LRFN1: variants seen among roughly 807,000 people sequenced by gnomAD.
LRFN1 encodes leucine-rich repeat and fibronectin type III domain-containing protein 1.
LRFN1 carries 20 observed loss-of-function variants against 31.8 expected under a neutral mutation model. The observed-to-expected ratio is 0.63, with a 90% CI of 0.44 to 0.91. LRFN1 has a LOEUF of 0.91. LRFN1 is among the 40% of genes least tolerant of loss of function. LRFN1 has a pLI of 0.00. For synonymous variants in LRFN1, 514 were observed against 541.3 expected (o/e 0.95, Z 0.70); for missense variants, 912 against 1,129.8 (o/e 0.81, Z 2.76).
rs750988672 is a variant in LRFN1, at chr19:39,314,658, G to C, written c.679C>G (p.Pro227Ala). The C allele has an allele frequency of 1.9e-5, 31 of 1,612,976 alleles. No individual in the cohort carries two copies. In the Middle Eastern group the frequency reaches 1.2e-3, roughly 60 times the overall value. ...TGCGACCTCAGGAAGAGCCCGTCGG[G>C]CGGGAGTTTATGCAGGCGGTTGGAG... ...MTSNRLHKLP[P>A]DGLFLRSQGT... Residue 227 changes from proline (P) to alanine (A), a missense_variant, in exon 4 of 5, where the codon CCC becomes GCC. Transcript: ENST00000248668.
intron 2 of LRFN1, among the ~76,000 whole-genome samples, chr19:39,316,834 G>C (rs977198579): frequency 1.3e-5 from 2 of 152,188 alleles, no homozygotes; most frequent in Admixed American, 6.5e-5. Context: ...GGGTGGGCGG[G>C]GGGTGAAGAG....
chr19:39,313,875 G>T, intron 4 of LRFN1, 56 bp downstream of exon 4: 1 of 1,509,190 alleles, frequency 6.6e-7, no homozygotes, highest in Non-Finnish European at 8.9e-7. Context: ...GCAGGTGGGA[G>T]GGAGGGTCCC....
At chr19:39,320,594 C>A (rs1412172974) in intron 1 of LRFN1, among the ~76,000 whole-genome samples, 199 bp downstream of exon 1, 1 of 151,778 alleles carries the variant, frequency 6.6e-6, no homozygotes, top group Non-Finnish European at 1.5e-5. Context: ...GCCGGCCGGG[C>A]TCGACACCCC....
intron 1 of LRFN1, 130 bp downstream of exon 1, chr19:39,320,663 A>C (rs1317211713): frequency 6.6e-6 from 1 of 150,868 alleles, no homozygotes; most frequent in Non-Finnish European, 1.5e-5. Context: ...GGGCACACAT[A>C]GGGCCGCGCG....
intron 2 of LRFN1, among the ~76,000 whole-genome samples, chr19:39,317,096 A>G (rs1008086195): frequency 2.0e-5 from 3 of 152,138 alleles, no homozygotes; most frequent in Non-Finnish European, 4.4e-5. Flanking sequence ...ATTGGGAGAG[A>G]AACAGAGAGA....
intron 2 of LRFN1, among the ~76,000 whole-genome samples, chr19:39,316,764 G>A (rs146119763): frequency 6.6e-4 from 101 of 152,158 alleles, no homozygotes; most frequent in African/African-American, 1.9e-3. Flanking sequence ...AAAACCTTCC[G>A]GCAGGGATTC....
Position 39,315,217 on chromosome 19 carries a change from G to A in LRFN1, c.120C>T (p.Cys40=), listed in dbSNP as rs201968871. Residue 40 remains cysteine (C), a synonymous_variant, in exon 4 of 5, where the codon TGC becomes TGT. Transcript: ENST00000248668. The surrounding 1 kb of genome is among the most constrained non-coding windows in gnomAD (Gnocchi z 4.7). ...TTGTCAGTGTGGGCGCCACGTTCTG[G>A]CAGATGCAGCGGCCGGGGCAGGGCT... ...RGQPCPGRCI[C]QNVAPTLTML... The A allele has an allele frequency of 1.4e-4, 223 of 1,572,980 alleles. No individual in the cohort carries two copies. In the African/African-American group the frequency reaches 2.4e-3, roughly 17 times the overall value.
intron 1 of LRFN1, among the ~76,000 whole-genome samples, chr19:39,320,100 T>TCC (rs765361725): frequency 2.5e-5 from 2 of 80,614 alleles, no homozygotes; most frequent in African/African-American, 4.8e-5. Flanking sequence ...TGGCCGCCCA[T>TCC]CCCCCCCCCG....
In LRFN1 at chr19:39,307,947, C is replaced by A; in HGVS notation, c.2002G>T (p.Gly668Cys). 1.3e-6 allele frequency: 2 copies of A among 1,570,340 alleles called. No homozygotes were observed. The highest frequency in any genetic ancestry group is 1.7e-6 in the Non-Finnish European group (2 of 1,166,622). The change falls in exon 5 of 5, where the codon GGC (glycine) becomes TGC (cysteine). Residue 668 changes from glycine (G) to cysteine (C), a missense_variant. Physicochemically the swap from Gly to Cys is radical, Grantham distance 159 (BLOSUM62 -3). Coordinates refer to ENST00000248668, the MANE Select transcript of LRFN1 (RefSeq NM_020862.2). This position sits in a 1 kb window ranked among gnomAD's most constrained non-coding sequence, Gnocchi z 6.7. ...GCGCCGGATCGGCTCCTTCGAGGGCCCACCGCGGCCCGAGACTCCTCCCCG... is the reference window on the plus strand; with the variant it reads ...GCGCCGGATCGGCTCCTTCGAGGGCACACCGCGGCCCGAGACTCCTCCCCG... ...TSGEESRAAV[G>C]PRRSRSGALE...
Position 39,315,071 on chromosome 19 carries a change from G to A in LRFN1, c.266C>T (p.Thr89Ile). 1 of 1,596,238 alleles carries A rather than the reference G, an allele frequency of 6.3e-7. No homozygotes were observed. The highest frequency in any genetic ancestry group is 8.5e-7 in the Non-Finnish European group (1 of 1,178,424). The part of the protein sequence containing the change: ...AVRRRDFANM[T>I]SLVHLTLSRN... ...GGAGAGAGTGAGGTGCACCAGGCTGGTCATGTTGGCGAAGTCTCGGCGGCG... is the reference window on the plus strand; with the variant it reads ...GGAGAGAGTGAGGTGCACCAGGCTGATCATGTTGGCGAAGTCTCGGCGGCG... Residue 89 changes from threonine to isoleucine, a missense_variant, in exon 4 of 5, where the codon ACC (threonine) becomes ATC (isoleucine). Thr to Ile is a moderately conservative substitution (Grantham distance 89). Around this residue, in one of 2 missense-constraint regions of LRFN1, gnomAD observed 401 missense variants for 572.7 expected, o/e 0.70. Transcript: ENST00000248668. The surrounding 1 kb of genome is among the most constrained non-coding windows in gnomAD (Gnocchi z 4.7).
rs1600480315 is a variant in LRFN1, at chr19:39,307,501, C to T, written c.*132G>A. 14 of 1,068,862 alleles carry T rather than the reference C, an allele frequency of 1.3e-5. No individual in the cohort carries two copies. Among genetic ancestry groups the T allele is most frequent in the Non-Finnish European group, 1.5e-5 (12 of 821,836 alleles). 66.2% of individuals were successfully genotyped at this position (1,068,862 alleles called of 1,614,324 possible). A position where few individuals can be genotyped will look rare whatever the true frequency, so the allele number is the denominator to read the frequency against. ...GCAGCCCGAGGCTGCCCCGCCCCCT[C>T]CCGGGGACAAGGGCGCGTCTCCACT... On this transcript the variant is annotated 3_prime_UTR_variant, in exon 5 of 5. Coordinates refer to ENST00000248668, the MANE Select transcript of LRFN1 (RefSeq NM_020862.2). This position sits in a 1 kb window ranked among gnomAD's most constrained non-coding sequence, Gnocchi z 6.7.
At chr19:39,311,036 C>T (rs2075148796) in intron 4 of LRFN1, among the ~76,000 whole-genome samples, 1 of 152,244 alleles carries the variant, frequency 6.6e-6, no homozygotes, top group Non-Finnish European at 1.5e-5. Context: ...CATCTCTCCT[C>T]TCCAGAGCCC....
In LRFN1 at chr19:39,314,996, G is replaced by A; in HGVS notation, c.341C>T (p.Ala114Val). ...GCTGTCCAGGTGCAGGGCCCGGAGG[G>A]CACGCAGGTCGGCGAAGGCGCCAGC... Reference protein sequence around the residue: ...VAAGAFADLRALRALHLDSNR... With the variant: ...VAAGAFADLRVLRALHLDSNR... Residue 114 changes from alanine to valine, a missense_variant, in exon 4 of 5, where the codon GCC becomes GTC. Ala to Val is a moderately conservative substitution (Grantham distance 64). This residue lies in a region of LRFN1 where 401 missense variants were observed against 572.7 expected (regional missense o/e 0.70). Transcript: ENST00000248668. The A allele has an allele frequency of 6.3e-7, 1 of 1,592,116 alleles. No homozygotes were observed. Among genetic ancestry groups the A allele is most frequent in the Non-Finnish European group, 8.5e-7 (1 of 1,175,690 alleles).
In LRFN1 at chr19:39,314,201, G is replaced by C; in HGVS notation, c.1136C>G (p.Ala379Gly). Reference protein sequence around the residue: ...TCIASNAAGEATAPVEVCVVP... With the variant: ...TCIASNAAGEGTAPVEVCVVP... ...CACGCACACCTCCACGGGCGCCGTC[G>C]CTTCCCCAGCAGCATTGGAGGCGAT... is the stretch of plus-strand genomic sequence containing the variant. Residue 379 changes from alanine (A) to glycine (G), a missense_variant, in exon 4 of 5, where the codon GCG becomes GGG. Around this residue, in one of 2 missense-constraint regions of LRFN1, gnomAD observed 401 missense variants for 572.7 expected, o/e 0.70. Transcript: ENST00000248668. 6.2e-7 allele frequency: 1 copy of C among 1,613,294 alleles called. No homozygotes were observed. Among genetic ancestry groups the C allele is most frequent in the Non-Finnish European group, 8.5e-7 (1 of 1,179,678 alleles).
At position 39,314,117 on chromosome 19, in the gene LRFN1, C is replaced by T; in HGVS notation, c.1220G>A (p.Gly407Asp). 2 of 1,612,134 alleles carry T rather than the reference C, an allele frequency of 1.2e-6. No individual in the cohort carries two copies. Among genetic ancestry groups the T allele is most frequent in the Non-Finnish European group, 1.7e-6 (2 of 1,179,198 alleles). Residue 407 changes from glycine to aspartate, a missense_variant, in exon 4 of 5, where the codon GGC (glycine) becomes GAC (aspartate). This residue lies in a region of LRFN1 where 511 missense variants were observed against 557.0 expected (regional missense o/e 0.92). Transcript: ENST00000248668. ...PAAPPPLTEP[G>D]SSDIATPGRP... is the part of the protein sequence containing the mutation. ...GCCCGGCGTGGCGATGTCAGAGGAG[C>T]CGGGCTCGGTGAGAGGCGGCGGGGC... is the stretch of plus-strand genomic sequence containing the variant.
rs1218915804 is a variant in LRFN1, at chr19:39,307,134, C to A, written c.*499G>T. 3 of 396,768 alleles carry A rather than the reference C, an allele frequency of 7.6e-6. No homozygotes were observed. The highest frequency in any genetic ancestry group is 1.3e-5 in the Non-Finnish European group (3 of 225,546). The allele number at this position is 396,768 out of a possible 1,614,324, so 24.6% of individuals were successfully genotyped here. A position where few individuals can be genotyped will look rare whatever the true frequency, so the allele number is the denominator to read the frequency against. On this transcript the variant is annotated 3_prime_UTR_variant, in exon 5 of 5. Coordinates refer to ENST00000248668, the MANE Select transcript of LRFN1 (RefSeq NM_020862.2). This position sits in a 1 kb window ranked among gnomAD's most constrained non-coding sequence, Gnocchi z 6.7. ...ACGAGGGAAACAGAGAAAGGGGGAC[C>A]CCAAGCCAGACCCGACCGGACCAGG...
rs1375713293 is a variant in LRFN1 at position 39,307,527 on chromosome 19, C to G, written c.*106G>C. On this transcript the variant is annotated 3_prime_UTR_variant, in exon 5 of 5. Transcript: ENST00000248668. The surrounding 1 kb of genome is among the most constrained non-coding windows in gnomAD (Gnocchi z 6.7). ...CCGGGGACAAGGGCGCGTCTCCACTCTGGTCCAATGTCTTGGCGCTGCGCT... is the reference window on the plus strand; with the variant it reads ...CCGGGGACAAGGGCGCGTCTCCACTGTGGTCCAATGTCTTGGCGCTGCGCT... The G allele has an allele frequency of 8.1e-7, 1 of 1,241,290 alleles. No homozygotes were observed. The highest frequency in any genetic ancestry group is 3.2e-5 in the East Asian group (1 of 31,502). The allele number at this position is 1,241,290 out of a possible 1,614,324, so 76.9% of individuals were successfully genotyped here. A position where few individuals can be genotyped will look rare whatever the true frequency, so the allele number is the denominator to read the frequency against.
chr19:39,315,142 C>G lies in LRFN1; in HGVS notation c.195G>C (p.Arg65=). The change falls in exon 4 of 5, where the codon CGG becomes CGC. Residue 65 remains arginine, a synonymous_variant. Transcript: ENST00000248668. The surrounding 1 kb of genome is among the most constrained non-coding windows in gnomAD (Gnocchi z 4.7). ...GLLFVPPAID[R]RVVELRLTDN... ...CGGTGAGCCGCAGCTCCACCACGCG[C>G]CGGTCGATGGCGGGCGGCACAAAGA... 1 of 1,591,892 alleles carries G rather than the reference C, an allele frequency of 6.3e-7. No homozygotes were observed. Among genetic ancestry groups the G allele is most frequent in the East Asian group, 2.2e-5 (1 of 44,620 alleles).
rs2075140312 is a variant in LRFN1, at chr19:39,308,800, C to G, written c.1407-258G>C. On this transcript the variant is annotated intron_variant, in intron 4 of 4. Transcript: ENST00000248668. This position sits in a 1 kb window ranked among gnomAD's most constrained non-coding sequence, Gnocchi z 6.2. ...CCACTGGGACAATATATCTATCATT[C>G]GTATTACCTCCTCTGCATATCCCGG... 6.6e-6 allele frequency among the ~76,000 whole-genome samples: 1 copy of G among 152,174 alleles called. No individual in the cohort carries two copies. The highest frequency in any genetic ancestry group is 2.4e-5 in the African/African-American group (1 of 41,438).
Sources: allele counts gnomAD v4.1 joint callset (sites outside exome capture counted in the v4.1 genomes callset), GRCh38; gene constraint gnomAD v4.1.1; regional missense constraint gnomAD v4.1.1; non-coding constraint Gnocchi (gnomAD v3.1); transcripts MANE v1.5; gene names NCBI Gene and HGNC (gene_info 2026-07-23, HGNC 2026-07-21).